Variants in TNFRSF19 observed in about 807,000 individuals in gnomAD.
TNFRSF19 encodes TNF receptor superfamily member 19, also known as tumor necrosis factor receptor superfamily member 19.
Under a neutral mutation model 46.4 loss-of-function variants are expected in TNFRSF19, and 27 were observed. The observed-to-expected ratio is 0.58, with a 90% CI of 0.43 to 0.80. The LOEUF is 0.80. Among genes scored for constraint, TNFRSF19 ranks in the 30% least tolerant of loss-of-function variants. The pLI is 0.00. For synonymous variants in TNFRSF19, 204 were observed against 205.0 expected (o/e 1.00, Z 0.04); for missense variants, 511 against 530.8 (o/e 0.96, Z 0.37).
chr13:23,615,473 C>G (rs1210556993), intron 3 of TNFRSF19, among the ~76,000 whole-genome samples: 1 of 152,166 alleles, frequency 6.6e-6, no homozygotes, highest in African/African-American at 2.4e-5. Context: ...CCCCTGATAT[C>G]AAAGTACTGA....
intron 3 of TNFRSF19, among the ~76,000 whole-genome samples, chr13:23,610,111 A>G (rs563810760): frequency 1.3e-5 from 2 of 152,348 alleles, no homozygotes; most frequent in East Asian, 1.9e-4. Flanking sequence ...AAAATTTAAC[A>G]TTTAACTTTG....
At chr13:23,592,979 C>T (rs1249381297) in intron 2 of TNFRSF19, among the ~76,000 whole-genome samples, 1 of 118,632 alleles carries the variant, frequency 8.4e-6, no homozygotes, top group African/African-American at 3.6e-5. Flanking sequence ...CAAAGAAAGT[C>T]ATAACTGTTT....
At chr13:23,616,839 A>G (rs891085980) in intron 4 of TNFRSF19, among the ~76,000 whole-genome samples, 1 of 152,062 alleles carries the variant, frequency 6.6e-6, no homozygotes, top group Admixed American at 6.5e-5. Context: ...TCAGCCTCCC[A>G]AAGTGCTGGG....
intron 1 of TNFRSF19, among the ~76,000 whole-genome samples, chr13:23,578,081 G>C (rs1242770771): frequency 6.6e-6 from 1 of 152,164 alleles, no homozygotes; most frequent in African/African-American, 2.4e-5. Context: ...GCTAGGCCCC[G>C]GGATATCAAG....
At chr13:23,610,543 C>T (rs190881528) in intron 3 of TNFRSF19, among the ~76,000 whole-genome samples, 262 of 152,228 alleles carry the variant, frequency 1.7e-3, no homozygotes, top group African/African-American at 6.0e-3. Context: ...TCCTGCAGCC[C>T]AGGAGGACTA....
intron 1 of TNFRSF19, among the ~76,000 whole-genome samples, chr13:23,579,018 G>A (rs1276079547): frequency 1.3e-5 from 2 of 152,254 alleles, no homozygotes; most frequent in Non-Finnish European, 2.9e-5. Flanking sequence ...GCTGGGATGC[G>A]GGCCCACGCG....
In TNFRSF19 at chr13:23,620,549, A is replaced by C. The variant is rs567511478; in HGVS notation, c.359+4504A>C. Among the ~76,000 whole-genome samples the C allele has an allele frequency of 5.9e-5, 9 of 152,316 alleles. No individual in the cohort carries two copies. In the South Asian group the frequency reaches 1.7e-3, roughly 28 times the overall value. ...AACTTCTCTGAAATGCACTCTTCTCACCTGTAAAATGACCATGCTGTAAGA... is the reference window on the plus strand; with the variant it reads ...AACTTCTCTGAAATGCACTCTTCTCCCCTGTAAAATGACCATGCTGTAAGA... On this transcript the variant is annotated intron_variant, in intron 4 of 9. Coordinates refer to ENST00000248484, the MANE Select transcript of TNFRSF19 (RefSeq NM_148957.4).
At chr13:23,615,361 T>C (rs940665576) in intron 3 of TNFRSF19, among the ~76,000 whole-genome samples, 2 of 152,232 alleles carry the variant, frequency 1.3e-5, no homozygotes, top group African/African-American at 4.8e-5. Context: ...CAGGAAATAC[T>C]AAATTGCTAA....
At chr13:23,665,800 T>G (rs753657121) in intron 7 of TNFRSF19, among the ~76,000 whole-genome samples, 19 of 152,224 alleles carry the variant, frequency 1.2e-4, no homozygotes, top group Non-Finnish European at 2.8e-4. Context: ...TTATATAATC[T>G]ACAGAGCGTA....
chr13:23,607,909 T>G (rs900770967), intron 3 of TNFRSF19, among the ~76,000 whole-genome samples: 1 of 152,200 alleles, frequency 6.6e-6, no homozygotes, highest in African/African-American at 2.4e-5. Flanking sequence ...GCGGTTTTAT[T>G]TCTCCTAATT....
At chr13:23,581,446 G>C (rs1430351061) in intron 1 of TNFRSF19, among the ~76,000 whole-genome samples, 8 of 152,050 alleles carry the variant, frequency 5.3e-5, no homozygotes, top group Non-Finnish European at 8.8e-5. Context: ...GCGCCCGGCC[G>C]TCGATGTGCC....
chr13:23,636,315 T>C (rs986272679), intron 5 of TNFRSF19, among the ~76,000 whole-genome samples: 8 of 152,162 alleles, frequency 5.3e-5, no homozygotes, highest in African/African-American at 1.9e-4. Context: ...ATGAGAAAAA[T>C]TGCTTTTTAA....
intron 3 of TNFRSF19, among the ~76,000 whole-genome samples, chr13:23,598,548 GT>G (rs1248339402): frequency 6.6e-6 from 1 of 152,132 alleles, no homozygotes; most frequent in Non-Finnish European, 1.5e-5. Context: ...CCAAACCATG[GT>G]TTTGAACATT....
At chr13:23,647,583 G>C (rs912725621) in intron 5 of TNFRSF19, among the ~76,000 whole-genome samples, 35 of 151,968 alleles carry the variant, frequency 2.3e-4, no homozygotes, top group Admixed American at 1.3e-3. Flanking sequence ...TTTTTTAATA[G>C]AGATGGGTTC....
rs1882042682 is a variant in TNFRSF19 at position 23,626,767 on chromosome 13, CCCT to C, written c.430_432del (p.Pro144del). 4 of 1,614,086 alleles carry C rather than the reference CCCT, an allele frequency of 2.5e-6. No individual in the cohort carries two copies. The highest frequency in any genetic ancestry group is 2.2e-5 in the East Asian group (1 of 44,870). On this transcript the variant is annotated inframe_deletion, in exon 5 of 10. Coordinates refer to ENST00000248484, the MANE Select transcript of TNFRSF19 (RefSeq NM_148957.4). ...ACATGGAGTGTGTGCCTTGTGGAGA[CCCT>C]CCTCCTCCTTACGAACCGCACTGTG...
At chr13:23,660,963 A>G (rs533533828) in intron 7 of TNFRSF19, among the ~76,000 whole-genome samples, 24 of 152,342 alleles carry the variant, frequency 1.6e-4, no homozygotes, top group Non-Finnish European at 3.1e-4. Flanking sequence ...CCCTTGGACT[A>G]TTGACAGATT....
intron 5 of TNFRSF19, among the ~76,000 whole-genome samples, chr13:23,648,420 T>A (rs1883448605): frequency 6.6e-6 from 1 of 152,210 alleles, no homozygotes; most frequent in Non-Finnish European, 1.5e-5. Flanking sequence ...TACAGCTGAT[T>A]TTTGCATGTT....
intron 9 of TNFRSF19, among the ~76,000 whole-genome samples, chr13:23,670,842 G>A (rs1048057328): frequency 6.6e-6 from 1 of 152,216 alleles, no homozygotes; most frequent in African/African-American, 2.4e-5. Flanking sequence ...TGCATCATCC[G>A]TGCCTCTCTT....
chr13:23,627,680 C>T (rs907724211), intron 5 of TNFRSF19, among the ~76,000 whole-genome samples: 1 of 152,170 alleles, frequency 6.6e-6, no homozygotes, highest in East Asian at 1.9e-4. Context: ...ACACACAGGT[C>T]GCTCATGCCT....
Sources: gnomAD v4.1 joint callset for allele counts (sites outside exome capture counted in the v4.1 genomes callset) on GRCh38, gnomAD v4.1.1 for gene constraint, MANE v1.5 for transcripts, NCBI Gene and HGNC (gene_info 2026-07-23, HGNC 2026-07-21) for gene names.